The following DST variants were observed in gnomAD, a reference collection of about 807,000 sequenced individuals.
DST encodes the protein dystonin, also known as bullous pemphigoid antigen.
A neutral mutation model predicts 875.2 loss-of-function variants in DST; 253 were observed. The ratio of observed to expected loss-of-function variants is 0.29; its 90% CI spans 0.26 to 0.32. The LOEUF is 0.32. DST is among the 10% of genes least tolerant of loss of function. DST has a pLI of 1.00. For missense variants in DST, 8,287 were observed against 9,111.6 expected, an observed-to-expected ratio of 0.91 and a Z score of 3.68; for synonymous variants, 3,124 against 3,197.1, an observed-to-expected ratio of 0.98 and a Z score of 0.77.
intron 4 of DST, among the ~76,000 whole-genome samples, chr6:56,822,720 C>T (rs570440972): frequency 3.9e-4 from 59 of 152,076 alleles, no homozygotes; most frequent in African/African-American, 1.3e-3. Flanking sequence ...TATGTGCTGA[C>T]CCTAGCAGTA....
rs1277687846 is a variant in DST, at chr6:56,476,038, T to G, written c.21864+111A>C. On this transcript the variant is annotated intron_variant, in intron 92 of 103. Coordinates refer to ENST00000680361, the MANE Select transcript of DST (RefSeq NM_001374736.1). ...CACAGTTGTAAGGAGCTGAGGAGTC[T>G]GAAGAAGTGAAAATAACGAGAACAA... is the stretch of plus-strand genomic sequence containing the variant. The G allele has an allele frequency of 4.1e-6, 4 of 979,438 alleles. No homozygotes were observed. The African/African-American group carries it at 6.6e-5, about 16-fold the overall frequency. The allele number at this position is 979,438 out of a possible 1,614,324, so 60.7% of individuals were successfully genotyped here.
intron 4 of DST, among the ~76,000 whole-genome samples, chr6:56,754,332 T>C (rs150671427): frequency 2.4e-4 from 36 of 152,340 alleles, no homozygotes; most frequent in African/African-American, 8.4e-4. Context: ...TCTGAATTTA[T>C]ACAATTTTTC....
At chr6:56,633,617 C>T (rs1411687041) in intron 27 of DST, among the ~76,000 whole-genome samples, 1 of 151,968 alleles carries the variant, frequency 6.6e-6, no homozygotes, top group African/African-American at 2.4e-5. Flanking sequence ...TCTCCTGCCT[C>T]AGCCTCCCGA....
chr6:56,657,227 CATGCTACTGCCTT>C (rs1239457729), intron 10 of DST, among the ~76,000 whole-genome samples: 1 of 152,110 alleles, frequency 6.6e-6, no homozygotes, highest in Non-Finnish European at 1.5e-5. Flanking sequence ...CAAGCAGAAA[CATGCTACTGCCTT>C]ATGCCCTCAG....
Position 56,601,599 on chromosome 6 carries a change from T to G in DST, c.11385A>C (p.Glu3795Asp). ...GGTTGGGAGACAGATCCTGTGCATA[T>G]TCAGAAATGAAGAACTGCACATCAA... Reference protein sequence around the residue: ...TAFDVQFFISEYAQDLSPNQS... With the variant: ...TAFDVQFFISDYAQDLSPNQS... Residue 3795 changes from glutamate (E) to aspartate (D), a missense_variant, in exon 44 of 104, where the codon GAA becomes GAC. Glu to Asp is a conservative substitution (Grantham distance 45, BLOSUM62 2). Around this residue, in one of 10 missense-constraint regions of DST, gnomAD observed 3,138 missense variants for 3,116.6 expected, o/e 1.01. Coordinates refer to ENST00000680361, the MANE Select transcript of DST (RefSeq NM_001374736.1). The G allele has an allele frequency of 6.2e-7, 1 of 1,601,884 alleles. No homozygotes were observed. Among genetic ancestry groups the G allele is most frequent in the Non-Finnish European group, 8.5e-7 (1 of 1,174,030 alleles).
At chr6:56,579,757 A>T (rs1380070920) in intron 49 of DST, among the ~76,000 whole-genome samples, 1 of 152,202 alleles carries the variant, frequency 6.6e-6, no homozygotes, top group Non-Finnish European at 1.5e-5. Flanking sequence ...AAATAGAAAT[A>T]GGCCTGGAAA....
intron 99 of DST, among the ~76,000 whole-genome samples, chr6:56,465,867 T>TAAAAAAAAAAAAAAAAAG (rs2094554187): frequency 8.9e-6 from 1 of 112,412 alleles, no homozygotes; most frequent in Non-Finnish European, 2.0e-5. Context: ...CCAGAAAAAG[T>TAAAAAAAAAAAAAAAAAG]AAAAAAAAAA....
intron 10 of DST, among the ~76,000 whole-genome samples, chr6:56,651,963 G>GA (rs2098978411): frequency 6.6e-6 from 1 of 152,206 alleles, no homozygotes; most frequent in Non-Finnish European, 1.5e-5. Flanking sequence ...CTGTAATAAA[G>GA]AATGATATAT....
chr6:56,756,354 A>C (rs934328004), intron 4 of DST, among the ~76,000 whole-genome samples: 1 of 152,112 alleles, frequency 6.6e-6, no homozygotes, highest in African/African-American at 2.4e-5. Context: ...TCCCAGAAAG[A>C]CTGCAGATGG....
At chr6:56,857,721 G>C (rs555003886) in intron 3 of DST, among the ~76,000 whole-genome samples, 35 of 152,266 alleles carry the variant, frequency 2.3e-4, no homozygotes, top group African/African-American at 7.5e-4. Flanking sequence ...CCCTTAGGTA[G>C]GTAGGTACAA....
chr6:56,591,809 C>T (rs1178728748), intron 49 of DST, among the ~76,000 whole-genome samples: 4 of 151,880 alleles, frequency 2.6e-5, no homozygotes, highest in Admixed American at 1.3e-4. Context: ...CCCGTCTCTA[C>T]TAAAAATACA....
intron 24 of DST, 132 bp from the exon 25 acceptor site, chr6:56,635,085 C>T (rs1167505580): frequency 4.2e-6 from 3 of 707,602 alleles, no homozygotes; most frequent in Admixed American, 5.3e-5. Flanking sequence ...TCAATCTTTC[C>T]TCCTCCACCC....
At chr6:56,601,894 A>T (rs866791209) in intron 43 of DST, 3 of 468,564 alleles carry the variant, frequency 6.4e-6, no homozygotes, top group Non-Finnish European at 1.1e-5. Context: ...TAAAAAGACA[A>T]ATAATCCCTC....
intron 4 of DST, among the ~76,000 whole-genome samples, chr6:56,805,405 T>C (rs961994868): frequency 6.6e-6 from 1 of 152,126 alleles, no homozygotes; most frequent in African/African-American, 2.4e-5. Context: ...AATATCACCA[T>C]GGAGTCAAAA....
chr6:56,869,595 A>G (rs539219591), intron 3 of DST, among the ~76,000 whole-genome samples: 11 of 152,124 alleles, frequency 7.2e-5, no homozygotes, highest in African/African-American at 2.7e-4. Context: ...GAGAAGAAAA[A>G]AAAAAAAAAC....
At chr6:56,869,892 C>T (rs1776165860) in intron 3 of DST, among the ~76,000 whole-genome samples, 2 of 151,916 alleles carry the variant, frequency 1.3e-5, no homozygotes, top group African/African-American at 4.8e-5. Flanking sequence ...TGTTATGTTG[C>T]CCAGGCTAGT....
intron 72 of DST, among the ~76,000 whole-genome samples, chr6:56,512,333 T>C (rs2096493585): frequency 6.6e-6 from 1 of 152,222 alleles, no homozygotes; most frequent in South Asian, 2.1e-4. Context: ...AAAGCTAGAA[T>C]ACATACACCT....
At chr6:56,857,014 C>CTT (rs1214133088) in intron 3 of DST, among the ~76,000 whole-genome samples, 2 of 143,854 alleles carry the variant, frequency 1.4e-5, no homozygotes, top group African/African-American at 5.1e-5. Flanking sequence ...ATAGCAAGGT[C>CTT]TTTTTTTTTT....
At chr6:56,763,718 C>CACAT (rs2099624525) in intron 4 of DST, among the ~76,000 whole-genome samples, 1 of 141,786 alleles carries the variant, frequency 7.1e-6, no homozygotes, top group South Asian at 2.3e-4. Flanking sequence ...CACACACACA[C>CACAT]ACACACATAT....
Sources: allele counts gnomAD v4.1 joint callset (sites outside exome capture counted in the v4.1 genomes callset), GRCh38; gene constraint gnomAD v4.1.1; regional missense constraint gnomAD v4.1.1; transcripts MANE v1.5; gene names NCBI Gene and HGNC (gene_info 2026-07-23, HGNC 2026-07-21).